NBAS: variants seen among roughly 807,000 people sequenced by gnomAD.
NBAS encodes the protein NBAS subunit of NRZ tethering complex.
NBAS carries 219 observed loss-of-function variants against 302.5 expected under a neutral mutation model. The ratio of observed to expected loss-of-function variants is 0.72; its 90% CI spans 0.65 to 0.81. NBAS has a LOEUF of 0.81. Ranked by LOEUF, NBAS falls within the 30% of genes least tolerant of loss-of-function variation. The pLI is 0.00. For synonymous variants in NBAS, 1,118 were observed against 1,021.6 expected, an observed-to-expected ratio of 1.09 and a Z score of -1.80; for missense variants, 2,932 against 2,841.6, an observed-to-expected ratio of 1.03 and a Z score of -0.72.
chr2:14,900,697 G>A, the NBAS span, among the ~76,000 whole-genome samples: 1 of 152,160 alleles, frequency 6.6e-6, no homozygotes, highest in Non-Finnish European at 1.5e-5. Flanking sequence ...TCTGAATAAG[G>A]TGAAGTCCTA....
At chr2:15,238,240 T>C (rs1342220299) in intron 45 of NBAS, among the ~76,000 whole-genome samples, 2 of 152,136 alleles carry the variant, frequency 1.3e-5, no homozygotes, top group Non-Finnish European at 2.9e-5. Context: ...ACTTCCTCTA[T>C]TTCCCCATAT....
At chr2:14,817,726 T>C in the NBAS span, among the ~76,000 whole-genome samples, 1 of 152,172 alleles carries the variant, frequency 6.6e-6, no homozygotes. Flanking sequence ...AGAACTATTA[T>C]TCTCTGTAAA....
intron 9 of NBAS, among the ~76,000 whole-genome samples, chr2:15,512,489 G>A (rs1662195814): frequency 6.6e-6 from 1 of 152,160 alleles, no homozygotes; most frequent in African/African-American, 2.4e-5. Flanking sequence ...TCTATTACAT[G>A]GATTTAAGGT....
chr2:15,133,079 A>C, the NBAS span, among the ~76,000 whole-genome samples: 2 of 152,338 alleles, frequency 1.3e-5, no homozygotes, highest in African/African-American at 4.8e-5. Flanking sequence ...ATTGAGATCT[A>C]TTTAAATTCA....
At chr2:15,352,573 C>T (rs567975676) in intron 34 of NBAS, among the ~76,000 whole-genome samples, 69 of 152,298 alleles carry the variant, frequency 4.5e-4, no homozygotes, top group Admixed American at 1.8e-3. Context: ...TTGCCAGGTT[C>T]TTGTGCCCCT....
intron 40 of NBAS, among the ~76,000 whole-genome samples, chr2:15,293,463 G>C (rs906334277): frequency 1.7e-4 from 26 of 152,144 alleles, no homozygotes; most frequent in African/African-American, 6.3e-4. Flanking sequence ...CAGCTGACAG[G>C]AAAGGAGAGT....
intron 31 of NBAS, among the ~76,000 whole-genome samples, chr2:15,367,735 G>A (rs368728404): frequency 9.9e-5 from 15 of 152,154 alleles, no homozygotes; most frequent in South Asian, 8.3e-4. Context: ...GGCCAGGGAC[G>A]GGGGAGATAA....
At chr2:15,032,781 A>T in the NBAS span, among the ~76,000 whole-genome samples, 5 of 152,074 alleles carry the variant, frequency 3.3e-5, no homozygotes, top group African/African-American at 1.2e-4. Context: ...TCCAACTGAA[A>T]GGAAGGATCT....
chr2:14,916,185 G>T, the NBAS span, among the ~76,000 whole-genome samples: 1 of 151,992 alleles, frequency 6.6e-6, no homozygotes, highest in African/African-American at 2.4e-5. Context: ...GCTTTAATGT[G>T]TTTCGTCTCT....
rs114489192 is a variant in NBAS, at chr2:15,515,696, A to T, written c.747-4346T>A. On this transcript the variant is annotated intron_variant, in intron 9 of 51. Transcript: ENST00000281513. ...AAGTAAATAAACACGCTCCATCATC[A>T]TCACAGTGTTCAGAACAGGCTTCCA... is the stretch of plus-strand genomic sequence containing the variant. Among the ~76,000 whole-genome samples, 720 of 152,346 alleles carry T rather than the reference A, an allele frequency of 4.7e-3. 8 individuals carry two copies. The highest frequency in any genetic ancestry group is 0.016 in the African/African-American group (670 of 41,570).
the NBAS span, among the ~76,000 whole-genome samples, chr2:15,034,027 G>GAAGAGGAAGA: frequency 1.6e-5 from 1 of 63,794 alleles, no homozygotes; most frequent in African/African-American, 1.1e-4. Flanking sequence ...AGAAGAAGAA[G>GAAGAGGAAGA]AGGAGGAGGA....
chr2:15,415,643 G>A lies in NBAS; in HGVS notation c.2840C>T (p.Pro947Leu). 6.2e-7 allele frequency: 1 copy of A among 1,614,096 alleles called. No homozygotes were observed. The highest frequency in any genetic ancestry group is 8.5e-7 in the Non-Finnish European group (1 of 1,180,008). The change falls in exon 25 of 52, where the codon CCT becomes CTT. Residue 947 changes from proline (P) to leucine (L), a missense_variant. Pro to Leu is a moderately conservative substitution (Grantham distance 98). Coordinates refer to ENST00000281513, the MANE Select transcript of NBAS (RefSeq NM_015909.4). ...PFLHRCEKQS[P>L]GVANELLKEY... ...TTTTAATAGCTCATTAGCCACACCA[G>A]GCGACTGTTTCTCACAACGATGAAG...
intron 48 of NBAS, among the ~76,000 whole-genome samples, chr2:15,193,514 A>G (rs957725472): frequency 2.6e-5 from 4 of 152,174 alleles, no homozygotes; most frequent in Admixed American, 1.3e-4. Flanking sequence ...GTGCTCATCT[A>G]AGATTGTGCC....
chr2:15,520,353 G>C (rs1558407919), intron 9 of NBAS, among the ~76,000 whole-genome samples: 1 of 152,120 alleles, frequency 6.6e-6, no homozygotes, highest in Non-Finnish European at 1.5e-5. Flanking sequence ...AGCAAGCCAA[G>C]ATCACATACA....
At chr2:15,552,046 A>G (rs1027677515) in intron 5 of NBAS, among the ~76,000 whole-genome samples, 5 of 152,224 alleles carry the variant, frequency 3.3e-5, no homozygotes, top group African/African-American at 1.2e-4. Flanking sequence ...CCTGAAATAT[A>G]TACCAAGTAG....
intron 25 of NBAS, among the ~76,000 whole-genome samples, chr2:15,412,868 A>G (rs1676747261): frequency 6.6e-6 from 1 of 152,208 alleles, no homozygotes; most frequent in African/African-American, 2.4e-5. Flanking sequence ...GAATCACACA[A>G]GGACAGCTAA....
Position 15,355,392 on chromosome 2 carries a change from T to C in NBAS, c.3931+911A>G, listed in dbSNP as rs186049155. Among the ~76,000 whole-genome samples the C allele has an allele frequency of 2.0e-4, 30 of 152,280 alleles. No homozygotes were observed. The East Asian group carries it at 4.4e-3, about 23-fold the overall frequency. The stretch of plus-strand genomic sequence containing the variant: ...ATGTGTTCTTTACGTGAGAAATTAT[T>C]CTACAATAAAATCTGATTATCCTGC... On this transcript the variant is annotated intron_variant, in intron 33 of 51. Coordinates refer to ENST00000281513, the MANE Select transcript of NBAS (RefSeq NM_015909.4).
At chr2:15,211,171 T>C (rs897662101) in intron 48 of NBAS, among the ~76,000 whole-genome samples, 1 of 152,236 alleles carries the variant, frequency 6.6e-6, no homozygotes, top group Non-Finnish European at 1.5e-5. Flanking sequence ...AGGTGGTACA[T>C]GCCCCATTTA....
chr2:15,260,110 C>T (rs765003672), intron 44 of NBAS, among the ~76,000 whole-genome samples: 8 of 152,180 alleles, frequency 5.3e-5, no homozygotes, highest in Non-Finnish European at 5.9e-5. Context: ...TACAGTTTTA[C>T]TTTAAATGTG....
Sources: gnomAD v4.1 joint callset for allele counts (sites outside exome capture counted in the v4.1 genomes callset) on GRCh38, gnomAD v4.1.1 for gene constraint, MANE v1.5 for transcripts, NCBI Gene and HGNC (gene_info 2026-07-23, HGNC 2026-07-21) for gene names.